Variants in SHISA6 observed in about 807,000 individuals in gnomAD.
The protein encoded by SHISA6 is shisa family member 6, also known as protein shisa-6.
A neutral mutation model predicts 47.9 loss-of-function variants in SHISA6; 22 were observed. That is an observed-to-expected ratio of 0.46 (90% confidence interval 0.33 to 0.66). The LOEUF (loss-of-function observed/expected upper bound fraction) is 0.66. SHISA6 is among the 30% of genes least tolerant of loss of function. SHISA6 has a pLI of 0.02. For synonymous variants in SHISA6, 388 were observed against 337.8 expected (o/e 1.15, Z -1.63); for missense variants, 680 against 764.6 (o/e 0.89, Z 1.30).
chr17:11,337,684 C>T (rs1311456554), intron 2 of SHISA6, among the ~76,000 whole-genome samples: 1 of 152,112 alleles, frequency 6.6e-6, no homozygotes, highest in Non-Finnish European at 1.5e-5. Flanking sequence ...CTTTGCTTGG[C>T]CAGGTGCACT....
At chr17:11,486,411 T>C (rs1350278487) in intron 3 of SHISA6, among the ~76,000 whole-genome samples, 1 of 152,204 alleles carries the variant, frequency 6.6e-6, no homozygotes, top group Non-Finnish European at 1.5e-5. Context: ...ATGACAATGC[T>C]AGCACAAGGC....
chr17:11,264,680 G>A (rs1567554457), intron 2 of SHISA6, among the ~76,000 whole-genome samples: 1 of 152,164 alleles, frequency 6.6e-6, no homozygotes, highest in African/African-American at 2.4e-5. Flanking sequence ...CTGCAATAAG[G>A]ATATATAGCC....
chr17:11,372,656 A>G (rs1168426219), intron 2 of SHISA6, among the ~76,000 whole-genome samples: 2 of 151,432 alleles, frequency 1.3e-5, no homozygotes, highest in Non-Finnish European at 2.9e-5. Flanking sequence ...CATTATTGAC[A>G]TGCTGGAGTT....
intron 4 of SHISA6, among the ~76,000 whole-genome samples, chr17:11,552,220 T>C (rs545738146): frequency 3.3e-5 from 5 of 152,356 alleles, no homozygotes; most frequent in African/African-American, 1.2e-4. Context: ...ACTTGCCACC[T>C]GTATCACTTC....
At chr17:11,435,226 A>C (rs908643535) in intron 3 of SHISA6, among the ~76,000 whole-genome samples, 1 of 152,028 alleles carries the variant, frequency 6.6e-6, no homozygotes, top group Non-Finnish European at 1.5e-5. Context: ...ATCACATTAT[A>C]TTTAACTTAA....
At chr17:11,407,451 C>T (rs1028842362) in intron 3 of SHISA6, among the ~76,000 whole-genome samples, 2 of 151,938 alleles carry the variant, frequency 1.3e-5, no homozygotes, top group Admixed American at 6.6e-5. Flanking sequence ...CATCAGGGTT[C>T]TCTATCTTAT....
At chr17:11,446,518 C>T (rs900291242) in intron 3 of SHISA6, among the ~76,000 whole-genome samples, 1 of 152,170 alleles carries the variant, frequency 6.6e-6, no homozygotes, top group African/African-American at 2.4e-5. Flanking sequence ...ATCCAATTTC[C>T]CAACACTTCT....
intron 3 of SHISA6, among the ~76,000 whole-genome samples, chr17:11,465,552 G>C (rs1915789393): frequency 6.6e-6 from 1 of 152,136 alleles, no homozygotes; most frequent in Admixed American, 6.5e-5. Flanking sequence ...AGGTTGCTTA[G>C]ACCTGGAAGG....
intron 2 of SHISA6, among the ~76,000 whole-genome samples, chr17:11,282,805 G>A (rs763096149): frequency 1.3e-5 from 2 of 152,208 alleles, no homozygotes; most frequent in Non-Finnish European, 2.9e-5. Context: ...CAGAGGGGCA[G>A]CTGCCAAGCA....
At chr17:11,432,552 T>G (rs1597510476) in intron 3 of SHISA6, among the ~76,000 whole-genome samples, 1 of 152,334 alleles carries the variant, frequency 6.6e-6, no homozygotes, top group South Asian at 2.1e-4. Flanking sequence ...CAATGGTAAC[T>G]GACCCTGCCT....
chr17:11,306,816 A>G (rs1276185254), intron 2 of SHISA6, among the ~76,000 whole-genome samples: 1 of 152,170 alleles, frequency 6.6e-6, no homozygotes, highest in African/African-American at 2.4e-5. Flanking sequence ...CATCGCTCTT[A>G]AATCTGCTTT....
chr17:11,546,921 T>C (rs2071888269), intron 3 of SHISA6, among the ~76,000 whole-genome samples: 1 of 149,302 alleles, frequency 6.7e-6, no homozygotes, highest in Non-Finnish European at 1.5e-5. Flanking sequence ...AGAGCAAGAC[T>C]CCATCTCAAA....
At chr17:11,435,696 T>A (rs1914916126) in intron 3 of SHISA6, among the ~76,000 whole-genome samples, 1 of 152,090 alleles carries the variant, frequency 6.6e-6, no homozygotes, top group African/African-American at 2.4e-5. Flanking sequence ...CCCCAAAGGC[T>A]CATGGGGTTG....
Position 11,326,225 on chromosome 17 carries a change from C to T in SHISA6, c.800-53189C>T, listed in dbSNP as rs1910886000. On this transcript the variant is annotated intron_variant, in intron 2 of 5. Coordinates refer to ENST00000441885, the MANE Select transcript of SHISA6 (RefSeq NM_207386.4). The stretch of plus-strand genomic sequence containing the variant: ...GGTGGAGCTTGCAGTGAGCCGAGAT[C>T]GTACCACTGCACTCCAGCCTGGGCG... Among the ~76,000 whole-genome samples, 4 of 150,046 alleles carry T rather than the reference C, an allele frequency of 2.7e-5. No individual in the cohort carries two copies. In the South Asian group the frequency reaches 8.5e-4, roughly 32 times the overall value.
chr17:11,540,526 A>T lies in SHISA6; in HGVS notation c.896-11370A>T, dbSNP rs951654550. ...TTTGGCTAAAGCTCTCACTTCTACTAGTCCTGGAGCACTACAGTGTCTCTT... is the reference window on the plus strand; with the variant it reads ...TTTGGCTAAAGCTCTCACTTCTACTTGTCCTGGAGCACTACAGTGTCTCTT... On this transcript the variant is annotated intron_variant, in intron 3 of 5. Coordinates refer to ENST00000441885, the MANE Select transcript of SHISA6 (RefSeq NM_207386.4). 2.0e-5 allele frequency among the ~76,000 whole-genome samples: 3 copies of T among 152,218 alleles called. No individual in the cohort carries two copies. The South Asian group carries it at 6.2e-4, about 32-fold the overall frequency.
intron 3 of SHISA6, among the ~76,000 whole-genome samples, chr17:11,534,034 A>G (rs759202180): frequency 2.0e-5 from 3 of 150,756 alleles, no homozygotes; most frequent in African/African-American, 4.9e-5. Flanking sequence ...CTGGAGTGCA[A>G]TGGTGCAATC....
At position 11,474,478 on chromosome 17, in the gene SHISA6, A is replaced by G. The variant is rs7213932; in HGVS notation, c.896-77418A>G. The stretch of plus-strand genomic sequence containing the variant: ...TGGATAGTAGACTTTTGTCAGATGG[A>G]TAGATTGCAGAGTGTAAGGTTTGGA... On this transcript the variant is annotated intron_variant, in intron 3 of 5. Coordinates refer to ENST00000441885, the MANE Select transcript of SHISA6 (RefSeq NM_207386.4). Among the ~76,000 whole-genome samples, 38 of 150,338 alleles carry G rather than the reference A, an allele frequency of 2.5e-4. No homozygotes were observed. The South Asian group carries it at 6.7e-3, about 27-fold the overall frequency.
At chr17:11,445,895 T>G (rs1597517760) in intron 3 of SHISA6, among the ~76,000 whole-genome samples, 1 of 152,356 alleles carries the variant, frequency 6.6e-6, no homozygotes, top group South Asian at 2.1e-4. Flanking sequence ...TGGTGCAATC[T>G]TGGCTCACTG....
intron 3 of SHISA6, chr17:11,380,197 C>G (rs1365333667): frequency 6.6e-6 from 1 of 152,180 alleles, no homozygotes. Flanking sequence ...ATCCCTAACT[C>G]CTTTAATTAC....
Sources: allele counts gnomAD v4.1 joint callset (sites outside exome capture counted in the v4.1 genomes callset), GRCh38; gene constraint gnomAD v4.1.1; transcripts MANE v1.5; gene names NCBI Gene and HGNC (gene_info 2026-07-23, HGNC 2026-07-21).